The following PTPRM variants were observed in gnomAD, a reference collection of about 807,000 sequenced individuals.
PTPRM encodes receptor-type tyrosine-protein phosphatase mu.
PTPRM carries 47 observed loss-of-function variants against 186.7 expected under a neutral mutation model. The observed-to-expected ratio is 0.25, with a 90% CI of 0.20 to 0.32. The LOEUF (loss-of-function observed/expected upper bound fraction) is 0.32. PTPRM is among the 10% of genes least tolerant of loss of function. The probability of loss-of-function intolerance (pLI) is 1.00; values close to 1 mark genes in which losing one functional copy is unlikely to be tolerated. For synonymous variants in PTPRM, 668 were observed against 674.9 expected, an observed-to-expected ratio of 0.99 and a Z score of 0.16; for missense variants, 1,494 against 1,865.0, an observed-to-expected ratio of 0.80 and a Z score of 3.66.
intron 17 of PTPRM, among the ~76,000 whole-genome samples, chr18:8,251,016 A>C (rs1310325100): frequency 6.6e-6 from 1 of 152,194 alleles, no homozygotes; most frequent in Non-Finnish European, 1.5e-5. Flanking sequence ...TGTACTAGAT[A>C]ATAGGGCTCT....
intron 7 of PTPRM, among the ~76,000 whole-genome samples, chr18:8,028,586 G>C (rs2085729900): frequency 6.6e-6 from 1 of 152,196 alleles, no homozygotes; most frequent in Non-Finnish European, 1.5e-5. Flanking sequence ...TAAACCATAT[G>C]TGTAATACTT....
At chr18:7,857,512 G>T (rs561484774) in intron 2 of PTPRM, among the ~76,000 whole-genome samples, 5 of 152,258 alleles carry the variant, frequency 3.3e-5, no homozygotes, top group Admixed American at 2.0e-4. Flanking sequence ...ATGATGATTT[G>T]CTGAAAGACG....
intron 2 of PTPRM, among the ~76,000 whole-genome samples, chr18:7,879,914 T>A (rs2048419772): frequency 6.6e-6 from 1 of 152,010 alleles, no homozygotes; most frequent in South Asian, 2.1e-4. Context: ...AGGAAAGAGG[T>A]TTAATTGACT....
intron 13 of PTPRM, among the ~76,000 whole-genome samples, chr18:8,129,613 C>A (rs2092454125): frequency 6.6e-6 from 1 of 152,158 alleles, no homozygotes. Flanking sequence ...TGGATTTAGG[C>A]TCTCTTGTAC....
chr18:8,377,871 A>G (rs2095706709), intron 26 of PTPRM: 1 of 159,616 alleles, frequency 6.3e-6, no homozygotes, highest in Non-Finnish European at 1.4e-5. Context: ...AAGAACTTCC[A>G]GACTTCTTGT....
At chr18:8,375,985 G>C in intron 24 of PTPRM, 61 bp from the exon 25 acceptor site, 2 of 1,523,532 alleles carry the variant, frequency 1.3e-6, no homozygotes, top group Non-Finnish European at 1.8e-6. Context: ...AGCTATCCCT[G>C]CTTATTTGTG....
rs1448933016 is a variant in PTPRM at position 7,772,399 on chromosome 18, CTTTCTTTCTTTCTTTT to C, written c.74-1749_74-1734del. Among the ~76,000 whole-genome samples the C allele has an allele frequency of 9.5e-5, 9 of 94,714 alleles. No homozygotes were observed. In the East Asian group the frequency reaches 3.4e-3, roughly 36 times the overall value. The allele number at this position is 94,714 out of a possible 152,430, so 62.1% of individuals were successfully genotyped here. On this transcript the variant is annotated intron_variant, in intron 1 of 32. Transcript: ENST00000580170. ...TCTTTCTTTCTTTCTTTCTTTCTTT[CTTTCTTTCTTTCTTTT>C]CTTTCTTTCTCCCTTCCCCTTCCCC...
At chr18:7,957,690 A>G (rs1368041078) in intron 7 of PTPRM, among the ~76,000 whole-genome samples, 2 of 152,222 alleles carry the variant, frequency 1.3e-5, no homozygotes, top group African/African-American at 2.4e-5. Flanking sequence ...ACTTTTTGCT[A>G]TAGGAAGAAA....
chr18:7,951,290 T>G (rs550862667), intron 6 of PTPRM, among the ~76,000 whole-genome samples: 1 of 152,330 alleles, frequency 6.6e-6, no homozygotes, highest in South Asian at 2.1e-4. Flanking sequence ...ATCATCATCA[T>G]TATTACTACC....
chr18:7,816,477 T>A (rs1360467598), intron 2 of PTPRM, among the ~76,000 whole-genome samples: 1 of 152,226 alleles, frequency 6.6e-6, no homozygotes, highest in Non-Finnish European at 1.5e-5. Context: ...AAATTACAAA[T>A]CTTGGCACTT....
intron 20 of PTPRM, among the ~76,000 whole-genome samples, chr18:8,297,757 G>A (rs193156194): frequency 1.1e-3 from 172 of 152,282 alleles, no homozygotes; most frequent in South Asian, 2.7e-3. Context: ...GACACAAAAC[G>A]TCCCAGCTGA....
intron 4 of PTPRM, among the ~76,000 whole-genome samples, chr18:7,920,390 AC>A (rs1383407755): frequency 6.6e-6 from 1 of 152,108 alleles, no homozygotes; most frequent in Non-Finnish European, 1.5e-5. Context: ...GGCTTATAAA[AC>A]ATATCTTATA....
At chr18:7,950,019 G>A (rs534974849) in intron 6 of PTPRM, among the ~76,000 whole-genome samples, 77 of 152,208 alleles carry the variant, frequency 5.1e-4, no homozygotes, top group Admixed American at 5.0e-3. Flanking sequence ...ACTTTGAGGT[G>A]TACCATGAGG....
intron 30 of PTPRM, among the ~76,000 whole-genome samples, chr18:8,386,132 A>C (rs1209303364): frequency 6.6e-6 from 1 of 152,190 alleles, no homozygotes; most frequent in Non-Finnish European, 1.5e-5. Context: ...AATTGTAGAC[A>C]TACTAGGTTT....
intron 2 of PTPRM, among the ~76,000 whole-genome samples, chr18:7,885,438 T>C (rs1169013920): frequency 6.6e-6 from 1 of 152,188 alleles, no homozygotes; most frequent in Non-Finnish European, 1.5e-5. Flanking sequence ...ATCTTCAGCT[T>C]TGTTTAAAAG....
chr18:7,593,106 G>A (rs1340617462), intron 1 of PTPRM, among the ~76,000 whole-genome samples: 1 of 152,158 alleles, frequency 6.6e-6, no homozygotes, highest in Non-Finnish European at 1.5e-5. Context: ...CAAGGAAAGT[G>A]TGCAAACTGC....
At chr18:7,762,542 A>C (rs1404954395) in intron 1 of PTPRM, among the ~76,000 whole-genome samples, 1 of 152,174 alleles carries the variant, frequency 6.6e-6, no homozygotes, top group Non-Finnish European at 1.5e-5. Flanking sequence ...TTTGAGTACT[A>C]TCCGATGGAC....
At chr18:7,954,488 C>T (rs2053185682) in intron 6 of PTPRM, among the ~76,000 whole-genome samples, 1 of 152,066 alleles carries the variant, frequency 6.6e-6, no homozygotes, top group African/African-American at 2.4e-5. Flanking sequence ...ATGAGATAAA[C>T]TGTAATTTCA....
At chr18:8,166,073 C>G (rs2093319269) in intron 14 of PTPRM, among the ~76,000 whole-genome samples, 1 of 152,178 alleles carries the variant, frequency 6.6e-6, no homozygotes, top group South Asian at 2.1e-4. Context: ...ATGTTTGTCT[C>G]TCCCATTCCT....
Sources: allele counts gnomAD v4.1 joint callset (sites outside exome capture counted in the v4.1 genomes callset), GRCh38; gene constraint gnomAD v4.1.1; transcripts MANE v1.5; gene names NCBI Gene and HGNC (gene_info 2026-07-23, HGNC 2026-07-21).